The following GORASP2 variants were observed in gnomAD, a reference collection of about 807,000 sequenced individuals.
GORASP2 encodes the protein golgi reassembly stacking protein 2.
Under a neutral mutation model 45.7 loss-of-function variants are expected in GORASP2, and 22 were observed. The observed-to-expected ratio is 0.48, with a 90% confidence interval of 0.34 to 0.69. GORASP2 has a LOEUF of 0.69. Among genes scored for constraint, GORASP2 ranks in the 30% least tolerant of loss-of-function variants. GORASP2 has a pLI of 0.01. For synonymous variants in GORASP2, 221 were observed against 215.6 expected (o/e 1.02, Z -0.22); for missense variants, 491 against 562.7 (o/e 0.87, Z 1.29).
Position 170,946,529 on chromosome 2 carries a change from T to G in GORASP2, c.64-1821T>G, listed in dbSNP as rs889724417. Reference sequence around the variant, plus strand: ...TTGAGAAGCTAAGTAATCTTTTTTATTCTATGAACCTATGAATTATATTAA... The same window carrying G: ...TTGAGAAGCTAAGTAATCTTTTTTAGTCTATGAACCTATGAATTATATTAA... On this transcript the variant is annotated intron_variant, in intron 1 of 9. Transcript: ENST00000234160. 2.0e-5 allele frequency among the ~76,000 whole-genome samples: 3 copies of G among 152,192 alleles called. No individual in the cohort carries two copies. The East Asian group carries it at 5.8e-4, about 29-fold the overall frequency.
chr2:170,966,709 A>T lies in GORASP2; in HGVS notation c.*579A>T. The stretch of plus-strand genomic sequence containing the variant: ...CTGAACGTCTTTTTCTTCAGCCTAT[A>T]CGCGGATCCTTGTTTTGAGCTCTCA... On this transcript the variant is annotated 3_prime_UTR_variant, in exon 10 of 10. Transcript: ENST00000234160. 6.5e-6 allele frequency: 1 copy of T among 154,822 alleles called. No homozygotes were observed. The highest frequency in any genetic ancestry group is 1.4e-5 in the Non-Finnish European group (1 of 69,424). The allele number at this position is 154,822 out of a possible 1,614,324, so 9.6% of individuals were successfully genotyped here.
At chr2:170,958,772 C>T (rs2723227) in intron 7 of GORASP2, among the ~76,000 whole-genome samples, 1 of 151,232 alleles carries the variant, frequency 6.6e-6, no homozygotes, top group East Asian at 1.9e-4. Context: ...TCAAGCAGTT[C>T]TCCTGCCTCA....
intron 1 of GORASP2, among the ~76,000 whole-genome samples, chr2:170,934,104 G>C (rs1459427933): frequency 2.0e-5 from 3 of 152,052 alleles, no homozygotes; most frequent in African/African-American, 7.2e-5. Context: ...TTTAAATGGT[G>C]CCTAACTAAC....
intron 1 of GORASP2, among the ~76,000 whole-genome samples, chr2:170,934,940 A>G (rs1255670013): frequency 3.3e-5 from 5 of 151,900 alleles, no homozygotes; most frequent in Non-Finnish European, 5.9e-5. Flanking sequence ...CTTTCACCCT[A>G]TTGGTCAAGC....
chr2:170,955,386 A>G (rs1704401346), intron 6 of GORASP2, among the ~76,000 whole-genome samples: 1 of 152,156 alleles, frequency 6.6e-6, no homozygotes, highest in African/African-American at 2.4e-5. Flanking sequence ...TCATGAGGGG[A>G]GTGAAGGGGC....
chr2:170,956,141 G>T (rs1246161744), intron 6 of GORASP2, among the ~76,000 whole-genome samples: 1 of 152,192 alleles, frequency 6.6e-6, no homozygotes, highest in Non-Finnish European at 1.5e-5. Context: ...GAGGAAAGAG[G>T]AGAGAGTAGA....
rs765277096 is a variant in GORASP2, at chr2:170,966,089, G to C, written c.1318G>C (p.Val440Leu). 3 of 1,614,102 alleles carry C rather than the reference G, an allele frequency of 1.9e-6. No individual in the cohort carries two copies. In the South Asian group the frequency reaches 3.3e-5, roughly 18 times the overall value. Residue 440 changes from valine (V) to leucine (L), a missense_variant, in exon 10 of 10, where the codon GTT becomes CTT. This residue lies in a region of GORASP2 where 297 missense variants were observed against 292.3 expected (regional missense o/e 1.02). Coordinates refer to ENST00000234160, the MANE Select transcript of GORASP2 (RefSeq NM_015530.5). The stretch of plus-strand genomic sequence containing the variant: ...CTCCACCCCAGTCAGCGAGAAGCCT[G>C]TTTCTGCGGCTGTGGATGCCAATGC... ...GDSTPVSEKP[V>L]SAAVDANASE...
chr2:170,955,937 G>A (rs1410156681), intron 6 of GORASP2, among the ~76,000 whole-genome samples: 1 of 151,688 alleles, frequency 6.6e-6, no homozygotes, highest in African/African-American at 2.4e-5. Flanking sequence ...GTGGAGATCT[G>A]GCTGCCACAT....
At chr2:170,950,646 C>T (rs1178708972) in intron 4 of GORASP2, among the ~76,000 whole-genome samples, 1 of 152,160 alleles carries the variant, frequency 6.6e-6, no homozygotes, top group Non-Finnish European at 1.5e-5. Context: ...ACATCCTTTT[C>T]CTTGTCTCTT....
At chr2:170,940,417 C>G (rs1411989472) in intron 1 of GORASP2, among the ~76,000 whole-genome samples, 1 of 152,160 alleles carries the variant, frequency 6.6e-6, no homozygotes, top group African/African-American at 2.4e-5. Flanking sequence ...CCTCCCTCCC[C>G]CAAGTGAAGA....
intron 1 of GORASP2, among the ~76,000 whole-genome samples, chr2:170,940,655 T>A (rs1017874721): frequency 6.6e-5 from 10 of 151,968 alleles, no homozygotes; most frequent in African/African-American, 1.7e-4. Flanking sequence ...TTTTTTTTTT[T>A]ACCAGGAACT....
chr2:170,952,931 C>T (rs1406140993), intron 5 of GORASP2, among the ~76,000 whole-genome samples: 1 of 152,216 alleles, frequency 6.6e-6, no homozygotes, highest in Non-Finnish European at 1.5e-5. Flanking sequence ...CCACCTTGGC[C>T]TCCCAAAGTC....
At chr2:170,945,093 T>C (rs746674501) in intron 1 of GORASP2, among the ~76,000 whole-genome samples, 1 of 152,194 alleles carries the variant, frequency 6.6e-6, no homozygotes, top group Non-Finnish European at 1.5e-5. Flanking sequence ...AGAAGAAATA[T>C]GCTATTTTGA....
intron 6 of GORASP2, 48 bp from the exon 7 acceptor site, chr2:170,956,388 T>C (rs1164723615): frequency 6.5e-7 from 1 of 1,529,564 alleles, no homozygotes; most frequent in Non-Finnish European, 8.8e-7. Context: ...ATATTTTCTT[T>C]GAAATAAACT....
chr2:170,950,933 A>T lies in GORASP2; in HGVS notation c.436-395A>T, dbSNP rs115680835. On this transcript the variant is annotated intron_variant, in intron 4 of 9. Coordinates refer to ENST00000234160, the MANE Select transcript of GORASP2 (RefSeq NM_015530.5). The stretch of plus-strand genomic sequence containing the variant: ...AGAGGTTGAGGCTGCAGTGAGGCAA[A>T]ATCATGCCACTGCACTCTAGCCCAG... 2.3e-3 allele frequency among the ~76,000 whole-genome samples: 351 copies of T among 152,232 alleles called. 2 individuals are homozygous for T. Among genetic ancestry groups the T allele is most frequent in the African/African-American group, 7.7e-3 (321 of 41,532 alleles).
At chr2:170,949,955 A>G (rs755405273) in intron 3 of GORASP2, 3 of 566,086 alleles carry the variant, frequency 5.3e-6, no homozygotes, top group Non-Finnish European at 9.5e-6. Flanking sequence ...ACTTTTTCTA[A>G]TGATTTATTC....
intron 7 of GORASP2, among the ~76,000 whole-genome samples, chr2:170,958,959 T>G (rs1367260307): frequency 6.9e-6 from 1 of 145,910 alleles, no homozygotes; most frequent in African/African-American, 2.6e-5. Context: ...CGTGAGCCAC[T>G]GTGCCCGGCC....
At chr2:170,952,608 T>A (rs56002240) in intron 5 of GORASP2, among the ~76,000 whole-genome samples, 1,851 of 152,354 alleles carry the variant, frequency 0.012, 16 homozygotes, top group Admixed American at 0.024. Flanking sequence ...CAAATGTAGC[T>A]ACCTCTGAAA....
rs183372343 is a variant in GORASP2 at position 170,945,597 on chromosome 2, A to G, written c.64-2753A>G. ...TAATTTACAAAATGATTTGGTCCCAAATTTGCAGGGAAACATAAAAAACAT... is the reference window on the plus strand; with the variant it reads ...TAATTTACAAAATGATTTGGTCCCAGATTTGCAGGGAAACATAAAAAACAT... On this transcript the variant is annotated intron_variant, in intron 1 of 9. Transcript: ENST00000234160. 1.6e-4 allele frequency among the ~76,000 whole-genome samples: 24 copies of G among 152,278 alleles called. No individual in the cohort carries two copies. In the East Asian group the frequency reaches 4.2e-3, roughly 27 times the overall value.
Sources: gnomAD v4.1 joint callset for allele counts (sites outside exome capture counted in the v4.1 genomes callset) on GRCh38, gnomAD v4.1.1 for gene constraint, gnomAD v4.1.1 regional missense constraint, MANE v1.5 for transcripts, NCBI Gene and HGNC (gene_info 2026-07-23, HGNC 2026-07-21) for gene names.